The following COL25A1 variants were observed in gnomAD, a reference collection of about 807,000 sequenced individuals.
COL25A1 encodes collagen type XXV alpha 1 chain.
COL25A1 carries 103 observed loss-of-function variants against 128.4 expected under a neutral mutation model. That is an observed-to-expected ratio of 0.80 (90% CI 0.68 to 0.94). The LOEUF is 0.94. Among genes scored for constraint, COL25A1 ranks in the 40% least tolerant of loss-of-function variants. The pLI, the probability that COL25A1 is intolerant of heterozygous loss-of-function variation, is 0.00. For synonymous variants in COL25A1, 279 were observed against 277.2 expected (o/e 1.01, Z -0.06); for missense variants, 745 against 840.0 (o/e 0.89, Z 1.40).
At chr4:108,830,150 C>T (rs538089961) in intron 32 of COL25A1, among the ~76,000 whole-genome samples, 3 of 152,228 alleles carry the variant, frequency 2.0e-5, no homozygotes, top group Admixed American at 2.0e-4. Context: ...AATATTAACA[C>T]GGGGATTTGA....
At chr4:108,832,238 T>A in intron 32 of COL25A1, 142 bp downstream of exon 32, 4 of 612,952 alleles carry the variant, frequency 6.5e-6, no homozygotes, top group Non-Finnish European at 1.1e-5. Context: ...GGACTCTGAA[T>A]AGAACTTAGG....
chr4:108,970,487 G>C (rs1236296898), intron 8 of COL25A1, among the ~76,000 whole-genome samples: 1 of 152,046 alleles, frequency 6.6e-6, no homozygotes, highest in African/African-American at 2.4e-5. Context: ...ATGTTGTTTT[G>C]AAATATGTAT....
chr4:108,833,334 A>T (rs1036222789), intron 31 of COL25A1, among the ~76,000 whole-genome samples: 1 of 152,230 alleles, frequency 6.6e-6, no homozygotes, highest in African/African-American at 2.4e-5. Flanking sequence ...GGCAGCCAAG[A>T]TGACTTAAAG....
chr4:109,186,605 T>C (rs927024998), intron 3 of COL25A1, among the ~76,000 whole-genome samples: 4 of 152,192 alleles, frequency 2.6e-5, no homozygotes, highest in East Asian at 1.9e-4. Context: ...ACTGAAGACA[T>C]TGGAAGCCCT....
intron 3 of COL25A1, among the ~76,000 whole-genome samples, chr4:109,105,045 T>C (rs1320028689): frequency 6.6e-6 from 1 of 152,220 alleles, no homozygotes; most frequent in Non-Finnish European, 1.5e-5. Context: ...GTCTTCAAGA[T>C]AATCCTGGTG....
chr4:108,847,069 G>C (rs6857959), intron 27 of COL25A1, among the ~76,000 whole-genome samples: 136,871 of 152,034 alleles, frequency 0.9, 61,705 homozygotes, highest in Middle Eastern at 0.98. Flanking sequence ...CCATGCCCAG[G>C]TAATTTTTGT....
At chr4:108,818,893 A>C (rs1731501577) in intron 36 of COL25A1, among the ~76,000 whole-genome samples, 1 of 152,086 alleles carries the variant, frequency 6.6e-6, no homozygotes, top group South Asian at 2.1e-4. Flanking sequence ...AAAAAAAGTC[A>C]AACTTAGGTG....
chr4:108,956,417 G>GTTTT (rs1325266877), intron 8 of COL25A1, among the ~76,000 whole-genome samples: 2 of 152,112 alleles, frequency 1.3e-5, no homozygotes, highest in African/African-American at 4.8e-5. Flanking sequence ...TTGTTTGTTT[G>GTTTT]TTTTTGAGAC....
intron 13 of COL25A1, among the ~76,000 whole-genome samples, chr4:108,910,621 T>C (rs775583669): frequency 6.6e-6 from 1 of 152,206 alleles, no homozygotes; most frequent in Non-Finnish European, 1.5e-5. Context: ...CGACCACTAC[T>C]ATGCAGTGGA....
chr4:108,817,758 CCAT>C (rs1731387023), intron 36 of COL25A1, among the ~76,000 whole-genome samples: 1 of 152,036 alleles, frequency 6.6e-6, no homozygotes, highest in Non-Finnish European at 1.5e-5. Context: ...ACTCTTAATT[CCAT>C]TAAAACACAT....
At position 108,982,904 on chromosome 4, in the gene COL25A1, T is replaced by A. The variant is rs551807717; in HGVS notation, c.439-8345A>T. Among the ~76,000 whole-genome samples, 7 of 152,176 alleles carry A rather than the reference T, an allele frequency of 4.6e-5. No individual in the cohort carries two copies. The South Asian group carries it at 1.5e-3, about 32-fold the overall frequency. ...AGTCTTAAATCAAAAGCAGCTGCCA[T>A]AAGGAAGCAATTAGTGGGTCTAGCA... is the stretch of plus-strand genomic sequence containing the variant. On this transcript the variant is annotated intron_variant, in intron 6 of 37. Transcript: ENST00000399132.
chr4:108,884,249 T>G (rs1740495065), intron 18 of COL25A1, 27 bp from the exon 19 acceptor site: 3 of 1,598,596 alleles, frequency 1.9e-6, no homozygotes, highest in Non-Finnish European at 2.6e-6. Flanking sequence ...TATAGCATTA[T>G]AGAATGATAT....
chr4:108,837,200 G>A (rs942412410), intron 31 of COL25A1, among the ~76,000 whole-genome samples: 63 of 152,298 alleles, frequency 4.1e-4, no homozygotes, highest in African/African-American at 9.9e-4. Context: ...ATCAACTAGC[G>A]TGAAGTATAA....
At chr4:109,090,112 G>T (rs1764765842) in intron 3 of COL25A1, among the ~76,000 whole-genome samples, 1 of 151,938 alleles carries the variant, frequency 6.6e-6, no homozygotes, top group South Asian at 2.1e-4. Flanking sequence ...ACATGTAATA[G>T]AAACATGTAA....
At position 108,863,319 on chromosome 4, in the gene COL25A1, C is replaced by T. The variant is rs1342835457; in HGVS notation, c.1152G>A (p.Lys384=). 1 of 1,613,574 alleles carries T rather than the reference C, an allele frequency of 6.2e-7. No homozygotes were observed. The highest frequency in any genetic ancestry group is 1.3e-5 in the African/African-American group (1 of 74,990). ...ERGEPGAPGP[K]GKQGESGTRG... ...ATTTTCCAGTTTAAGAATAACTCAC[C>T]TTTGGTCCGGGGGCTCCAGGTTCCC... Residue 384 remains lysine (K), a splice_region_variant and synonymous_variant, in exon 21 of 38, where the codon AAG becomes AAA. Coordinates refer to ENST00000399132, the MANE Select transcript of COL25A1 (RefSeq NM_198721.4).
Position 108,860,976 on chromosome 4 carries a change from T to C in COL25A1, c.1198-5A>G, listed in dbSNP as rs941374544. The C allele has an allele frequency of 1.9e-6, 3 of 1,613,216 alleles. No homozygotes were observed. The highest frequency in any genetic ancestry group is 2.2e-5 in the East Asian group (1 of 44,852). Reference sequence around the variant, plus strand: ...CCCTTTTTCTCCACGATCCCCCTTTTCCCGTTGGAAAGAGAAAAAACTTAA... The same window carrying C: ...CCCTTTTTCTCCACGATCCCCCTTTCCCCGTTGGAAAGAGAAAAAACTTAA... On this transcript the variant is annotated splice_polypyrimidine_tract_variant and splice_region_variant and intron_variant, in intron 22 of 37. Transcript: ENST00000399132.
At chr4:109,292,161 A>C (rs374484207) in intron 3 of COL25A1, among the ~76,000 whole-genome samples, 32 of 147,210 alleles carry the variant, frequency 2.2e-4, no homozygotes, top group Admixed American at 1.9e-3. Context: ...CAGCAGAAAG[A>C]AAGCATGGAG....
rs1174373507 is a variant in COL25A1 at position 109,187,237 on chromosome 4, C to T, written c.367+113346G>A. Reference sequence around the variant, plus strand: ...CACACACACACACACACATAATTAACTTTTCCATCTTCTTCTCAAAGACTT... The same window carrying T: ...CACACACACACACACACATAATTAATTTTTCCATCTTCTTCTCAAAGACTT... On this transcript the variant is annotated intron_variant, in intron 3 of 37. Transcript: ENST00000399132. Among the ~76,000 whole-genome samples, 7 of 80,746 alleles carry T rather than the reference C, an allele frequency of 8.7e-5. No homozygotes were observed. The East Asian group carries it at 3.5e-3, about 41-fold the overall frequency. The allele number at this position is 80,746 out of a possible 152,430, so 53.0% of individuals were successfully genotyped here.
chr4:108,946,885 G>A (rs1748822941), intron 8 of COL25A1, among the ~76,000 whole-genome samples: 1 of 152,032 alleles, frequency 6.6e-6, no homozygotes, highest in Non-Finnish European at 1.5e-5. Context: ...ACTAGAGGAG[G>A]GACAAATCAA....
Sources: allele counts gnomAD v4.1 joint callset (sites outside exome capture counted in the v4.1 genomes callset), GRCh38; gene constraint gnomAD v4.1.1; transcripts MANE v1.5; gene names NCBI Gene and HGNC (gene_info 2026-07-23, HGNC 2026-07-21).